Variants in DPP6 observed in about 807,000 individuals in gnomAD.
The protein encoded by DPP6 is dipeptidyl peptidase like 6, also known as A-type potassium channel modulatory protein DPP6.
Under a neutral mutation model 122.6 loss-of-function variants are expected in DPP6, and 69 were observed. The observed-to-expected ratio is 0.56, with a 90% CI of 0.46 to 0.69. DPP6 has a LOEUF of 0.69. Among genes scored for constraint, DPP6 ranks in the 30% least tolerant of loss-of-function variants. DPP6 has a pLI of 0.00. For missense variants in DPP6, 928 were observed against 1,116.9 expected (o/e 0.83, Z 2.41); for synonymous variants, 418 against 433.1 (o/e 0.97, Z 0.43).
intron 1 of DPP6, among the ~76,000 whole-genome samples, chr7:154,228,875 A>C (rs1046444645): frequency 6.6e-6 from 1 of 152,208 alleles, no homozygotes; most frequent in Non-Finnish European, 1.5e-5. Context: ...TACATTATTA[A>C]CTGAAGAAAA....
At chr7:153,887,165 CG>C (rs1798960027) in exon 1 of DPP6, 1 of 152,562 alleles carries the variant, frequency 6.6e-6, no homozygotes, top group South Asian at 2.1e-4. Context: ...GCCGCCCGGC[CG>C]GGTCCCTGCC....
intron 3 of DPP6, among the ~76,000 whole-genome samples, chr7:154,511,720 A>G (rs1826105253): frequency 6.6e-6 from 1 of 152,212 alleles, no homozygotes; most frequent in South Asian, 2.1e-4. Flanking sequence ...TCCTGGTAAC[A>G]CCTAATTGTA....
At chr7:154,078,090 ACT>A (rs770675144) in intron 1 of DPP6, among the ~76,000 whole-genome samples, 1 of 151,634 alleles carries the variant, frequency 6.6e-6, no homozygotes, top group African/African-American at 2.4e-5. Flanking sequence ...CATGATCTCA[ACT>A]CTCTGTAAAT....
chr7:153,910,655 A>G (rs1197495076), intron 1 of DPP6, among the ~76,000 whole-genome samples: 1 of 152,182 alleles, frequency 6.6e-6, no homozygotes, highest in Non-Finnish European at 1.5e-5. Context: ...CTAATGGGTC[A>G]TAAAAACCAG....
intron 1 of DPP6, among the ~76,000 whole-genome samples, chr7:154,265,444 A>C (rs995948066): frequency 6.6e-6 from 1 of 152,172 alleles, no homozygotes; most frequent in East Asian, 1.9e-4. Flanking sequence ...GATGCTTTGT[A>C]ATAAGAAATG....
At chr7:153,897,176 G>A (rs938411018) in intron 1 of DPP6, among the ~76,000 whole-genome samples, 1 of 152,202 alleles carries the variant, frequency 6.6e-6, no homozygotes, top group South Asian at 2.1e-4. Context: ...CTAAGATTTT[G>A]AGAGAGTATA....
chr7:154,891,511 T>G (rs935663735), intron 25 of DPP6, among the ~76,000 whole-genome samples: 14 of 152,228 alleles, frequency 9.2e-5, no homozygotes, highest in African/African-American at 3.4e-4. Context: ...CAAGTTAACC[T>G]CCACAGTCAC....
intron 1 of DPP6, among the ~76,000 whole-genome samples, chr7:154,388,319 T>C (rs145007197): frequency 6.2e-4 from 95 of 152,268 alleles, no homozygotes; most frequent in African/African-American, 2.2e-3. Flanking sequence ...GAATGAGTTA[T>C]ACTGCTAAAT....
At chr7:154,416,933 A>C (rs972685502) in intron 1 of DPP6, among the ~76,000 whole-genome samples, 2 of 152,152 alleles carry the variant, frequency 1.3e-5, no homozygotes, top group African/African-American at 4.8e-5. Flanking sequence ...ATTCCTGTCT[A>C]AAAGGGGCTC....
intron 10 of DPP6, among the ~76,000 whole-genome samples, chr7:154,786,333 A>C (rs538507003): frequency 1.5e-4 from 23 of 152,168 alleles, no homozygotes; most frequent in Non-Finnish European, 2.9e-4. Context: ...CTAAAGATAA[A>C]CCTCATGTTG....
chr7:154,745,847 C>T (rs1213705187), intron 8 of DPP6, among the ~76,000 whole-genome samples: 1 of 152,058 alleles, frequency 6.6e-6, no homozygotes, highest in Non-Finnish European at 1.5e-5. Context: ...ATGAAAAATC[C>T]ACCCCCATGA....
chr7:154,083,456 C>T (rs1212574530), intron 1 of DPP6, among the ~76,000 whole-genome samples: 2 of 151,202 alleles, frequency 1.3e-5, no homozygotes, highest in African/African-American at 4.9e-5. Flanking sequence ...TTGCCATCCT[C>T]CCTACCCACC....
At chr7:154,436,363 C>A (rs900785574) in intron 1 of DPP6, among the ~76,000 whole-genome samples, 2 of 151,946 alleles carry the variant, frequency 1.3e-5, no homozygotes, top group African/African-American at 2.4e-5. Flanking sequence ...AGCTCAAATT[C>A]TCTTCCTCAG....
At position 154,448,285 on chromosome 7, in the gene DPP6, A is replaced by G. The variant is rs532570053; in HGVS notation, c.358+1957A>G. 2.4e-4 allele frequency among the ~76,000 whole-genome samples: 36 copies of G among 152,322 alleles called. No individual in the cohort carries two copies. The South Asian group carries it at 6.4e-3, about 27-fold the overall frequency. On this transcript the variant is annotated intron_variant, in intron 2 of 25. Transcript: ENST00000377770. The stretch of plus-strand genomic sequence containing the variant: ...TCATTTGCATTTTTAGCCACTAGCT[A>G]TGAACAATCCCAAAATAAAATTAAG...
At chr7:154,695,309 G>A (rs1345734806) in intron 7 of DPP6, among the ~76,000 whole-genome samples, 1 of 152,190 alleles carries the variant, frequency 6.6e-6, no homozygotes, top group African/African-American at 2.4e-5. Context: ...AAACTCACAG[G>A]AGTCAAACGA....
chr7:154,460,785 A>G (rs1389733924), intron 2 of DPP6, among the ~76,000 whole-genome samples: 9 of 152,208 alleles, frequency 5.9e-5, no homozygotes, highest in Non-Finnish European at 1.0e-4. Flanking sequence ...GCATGAAATG[A>G]TAAACACACC....
chr7:154,321,191 C>T (rs867167725), intron 1 of DPP6, among the ~76,000 whole-genome samples: 24 of 151,690 alleles, frequency 1.6e-4, no homozygotes, highest in African/African-American at 4.1e-4. Flanking sequence ...GTGGGAGGAT[C>T]GCTTAAGCCC....
At chr7:154,491,895 A>C (rs1824309598) in intron 3 of DPP6, among the ~76,000 whole-genome samples, 1 of 152,088 alleles carries the variant, frequency 6.6e-6, no homozygotes, top group Non-Finnish European at 1.5e-5. Context: ...TTCCAGCGTT[A>C]AGTTCCAGGA....
At chr7:154,551,020 T>G (rs1423409407) in intron 4 of DPP6, among the ~76,000 whole-genome samples, 4 of 152,174 alleles carry the variant, frequency 2.6e-5, no homozygotes, top group Non-Finnish European at 4.4e-5. Context: ...TGGGACCTAT[T>G]CATATGGCTA....
Sources: allele counts gnomAD v4.1 joint callset (sites outside exome capture counted in the v4.1 genomes callset), GRCh38; gene constraint gnomAD v4.1.1; transcripts MANE v1.5; gene names NCBI Gene and HGNC (gene_info 2026-07-23, HGNC 2026-07-21).